Variants in HHAT observed in about 807,000 individuals in gnomAD.
HHAT encodes the protein hedgehog acyltransferase.
A neutral mutation model predicts 70.8 loss-of-function variants in HHAT; 47 were observed. The observed-to-expected ratio is 0.66, with a 90% CI of 0.53 to 0.85. The LOEUF (loss-of-function observed/expected upper bound fraction) is 0.85. Among genes scored for constraint, HHAT ranks in the 40% least tolerant of loss-of-function variants. The probability of loss-of-function intolerance (pLI) is 0.00; values close to 1 mark genes in which losing one functional copy is unlikely to be tolerated. For missense variants in HHAT, 609 were observed against 604.8 expected, an observed-to-expected ratio of 1.01 and a Z score of -0.07; for synonymous variants, 228 against 247.6, an observed-to-expected ratio of 0.92 and a Z score of 0.74.
chr1:210,477,891 A>T (rs1245404451), intron 8 of HHAT, among the ~76,000 whole-genome samples: 2 of 152,176 alleles, frequency 1.3e-5, no homozygotes, highest in African/African-American at 2.4e-5. Context: ...CTCAGATCTT[A>T]TGACACATTG....
At chr1:210,651,906 G>C (rs1262767441) in intron 11 of HHAT, among the ~76,000 whole-genome samples, 1 of 152,236 alleles carries the variant, frequency 6.6e-6, no homozygotes, top group Non-Finnish European at 1.5e-5. Flanking sequence ...AATGGAGCTG[G>C]AGGTGGGGGC....
chr1:210,441,051 T>G (rs1347111562), intron 7 of HHAT, among the ~76,000 whole-genome samples: 1 of 152,178 alleles, frequency 6.6e-6, no homozygotes, highest in Non-Finnish European at 1.5e-5. Context: ...TTTGTGAGGA[T>G]GCCACCCCCT....
intron 10 of HHAT, among the ~76,000 whole-genome samples, chr1:210,617,154 G>A (rs769741441): frequency 2.0e-5 from 3 of 152,230 alleles, no homozygotes; most frequent in Admixed American, 6.5e-5. Context: ...GAATAAGGAA[G>A]ATGCATTCAA....
intron 10 of HHAT, among the ~76,000 whole-genome samples, chr1:210,619,626 C>A (rs7522136): frequency 0.13 from 20,248 of 152,152 alleles, 1,601 homozygotes; most frequent in Middle Eastern, 0.24. Flanking sequence ...CAGGACGGCT[C>A]CGTCCTGCAC....
At chr1:210,537,412 T>C (rs1356504288) in intron 9 of HHAT, among the ~76,000 whole-genome samples, 23 of 152,302 alleles carry the variant, frequency 1.5e-4, no homozygotes, top group Non-Finnish European at 1.5e-5. Flanking sequence ...GCGCAATTAT[T>C]GTATCCCTCT....
intron 6 of HHAT, among the ~76,000 whole-genome samples, chr1:210,405,296 T>C (rs1353037602): frequency 6.6e-6 from 1 of 152,140 alleles, no homozygotes; most frequent in Non-Finnish European, 1.5e-5. Flanking sequence ...ACCTCTGTTG[T>C]TCCCCCCTAC....
chr1:210,636,483 A>G (rs1671886438), intron 11 of HHAT, among the ~76,000 whole-genome samples: 1 of 152,206 alleles, frequency 6.6e-6, no homozygotes, highest in African/African-American at 2.4e-5. Context: ...GCTGCAGCAC[A>G]GTCTAGACAG....
At chr1:210,351,403 T>C (rs2087007959) in intron 2 of HHAT, among the ~76,000 whole-genome samples, 1 of 152,206 alleles carries the variant, frequency 6.6e-6, no homozygotes, top group African/African-American at 2.4e-5. Context: ...CTGGGCACTC[T>C]TTGGCCTGGT....
chr1:210,616,650 CA>C (rs1297925193), intron 10 of HHAT, among the ~76,000 whole-genome samples: 1 of 152,188 alleles, frequency 6.6e-6, no homozygotes, highest in Non-Finnish European at 1.5e-5. Flanking sequence ...TTGAAGGTTG[CA>C]GTTGAGAGAA....
At chr1:210,591,454 A>G (rs61827360) in intron 10 of HHAT, among the ~76,000 whole-genome samples, 2 of 152,114 alleles carry the variant, frequency 1.3e-5, no homozygotes, top group Non-Finnish European at 2.9e-5. Context: ...CTTTTGATGG[A>G]CACTCAGGTT....
intron 9 of HHAT, among the ~76,000 whole-genome samples, chr1:210,534,977 G>A (rs2095355517): frequency 6.6e-6 from 1 of 152,154 alleles, no homozygotes; most frequent in South Asian, 2.1e-4. Flanking sequence ...AGTACTGCTA[G>A]CAGGATGCAC....
intron 7 of HHAT, among the ~76,000 whole-genome samples, chr1:210,437,857 A>C (rs928533676): frequency 6.6e-6 from 1 of 151,834 alleles, no homozygotes; most frequent in Admixed American, 6.6e-5. Context: ...CACTCCCATG[A>C]ATCAGTTTTA....
At chr1:210,670,263 G>A (rs1200885556) in intron 11 of HHAT, among the ~76,000 whole-genome samples, 1 of 152,214 alleles carries the variant, frequency 6.6e-6, no homozygotes, top group Non-Finnish European at 1.5e-5. Flanking sequence ...ATCAGTGCTT[G>A]CTTAGCAGGC....
At chr1:210,638,818 T>C (rs773498426) in intron 11 of HHAT, among the ~76,000 whole-genome samples, 3 of 151,776 alleles carry the variant, frequency 2.0e-5, no homozygotes, top group Admixed American at 6.6e-5. Context: ...GGTGGGAGGA[T>C]TGCTTGAGCC....
chr1:210,634,616 G>T (rs1671518718), intron 11 of HHAT, among the ~76,000 whole-genome samples: 1 of 152,200 alleles, frequency 6.6e-6, no homozygotes, highest in Admixed American at 6.5e-5. Flanking sequence ...TTTTTAATAA[G>T]CTAGAAGAAA....
intron 10 of HHAT, among the ~76,000 whole-genome samples, chr1:210,620,068 G>A (rs973893292): frequency 1.1e-4 from 16 of 152,136 alleles, no homozygotes; most frequent in African/African-American, 3.9e-4. Context: ...CCTCCCACTC[G>A]TGAGGCTTGC....
chr1:210,671,779 G>A (rs1680136199), intron 11 of HHAT, among the ~76,000 whole-genome samples: 2 of 152,248 alleles, frequency 1.3e-5, no homozygotes, highest in African/African-American at 4.8e-5. Flanking sequence ...AGTTTGGTAA[G>A]TTGTTATGGT....
chr1:210,489,273 G>A (rs563589705), intron 8 of HHAT, among the ~76,000 whole-genome samples: 25 of 152,296 alleles, frequency 1.6e-4, no homozygotes, highest in African/African-American at 4.8e-4. Flanking sequence ...AGTAGCGGGC[G>A]GGGATCAGGG....
At chr1:210,503,006 C>T (rs572974080) in intron 8 of HHAT, among the ~76,000 whole-genome samples, 17 of 151,636 alleles carry the variant, frequency 1.1e-4, no homozygotes, top group Non-Finnish European at 2.1e-4. Flanking sequence ...CCCTCTGTCA[C>T]CCAGGCTGGA....
Sources: allele counts gnomAD v4.1 joint callset (sites outside exome capture counted in the v4.1 genomes callset), GRCh38; gene constraint gnomAD v4.1.1; transcripts MANE v1.5; gene names NCBI Gene and HGNC (gene_info 2026-07-23, HGNC 2026-07-21).